The following PTPRD variants were observed in gnomAD, a reference collection of about 807,000 sequenced individuals.
PTPRD encodes receptor-type tyrosine-protein phosphatase delta.
In PTPRD, 34 loss-of-function variants were observed where a neutral mutation model predicts 214.5. The ratio of observed to expected loss-of-function variants is 0.16; its 90% CI spans 0.12 to 0.21. PTPRD has a LOEUF of 0.21. PTPRD is among the 10% of genes least tolerant of loss of function. PTPRD has a pLI of 1.00. For synonymous variants in PTPRD, 1,128 were observed against 845.7 expected (o/e 1.33, Z -5.79); for missense variants, 2,545 against 2,398.7 (o/e 1.06, Z -1.27).
chr9:9,239,213 C>A (rs914791510), intron 9 of PTPRD, among the ~76,000 whole-genome samples: 2 of 149,244 alleles, frequency 1.3e-5, no homozygotes, highest in African/African-American at 2.5e-5. Flanking sequence ...AAAAAAAAAC[C>A]ACAAGTATTC....
At chr9:10,462,371 A>C (rs1026492102) in intron 2 of PTPRD, among the ~76,000 whole-genome samples, 1 of 149,208 alleles carries the variant, frequency 6.7e-6, no homozygotes, top group African/African-American at 2.5e-5. Context: ...GTGACTTTTA[A>C]GAAAGGTAAT....
chr9:10,456,147 AT>A (rs949018101), intron 2 of PTPRD, among the ~76,000 whole-genome samples: 6 of 151,896 alleles, frequency 4.0e-5, no homozygotes, highest in Non-Finnish European at 7.4e-5. Context: ...TGTTCCATTC[AT>A]AAAACCCGAT....
At chr9:8,535,022 C>G (rs1013025071) in intron 14 of PTPRD, among the ~76,000 whole-genome samples, 15 of 151,844 alleles carry the variant, frequency 9.9e-5, no homozygotes, top group African/African-American at 2.4e-4. Flanking sequence ...TCTAGATAAT[C>G]TCTATATTGT....
intron 14 of PTPRD, among the ~76,000 whole-genome samples, chr9:8,554,731 G>A (rs954689262): frequency 3.3e-5 from 5 of 152,126 alleles, no homozygotes; most frequent in African/African-American, 4.8e-5. Flanking sequence ...TGTCCAACAC[G>A]TTTGTTTATT....
At chr9:10,464,780 C>T (rs7873458) in intron 2 of PTPRD, among the ~76,000 whole-genome samples, 4,841 of 151,972 alleles carry the variant, frequency 0.032, 286 homozygotes, top group African/African-American at 0.11. Flanking sequence ...AATGTAACAA[C>T]GGTAATGTCA....
chr9:9,287,560 C>T (rs906600430), intron 9 of PTPRD, among the ~76,000 whole-genome samples: 1 of 151,728 alleles, frequency 6.6e-6, no homozygotes, highest in African/African-American at 2.4e-5. Flanking sequence ...TAAATCATGG[C>T]CTTGAGAGTT....
intron 9 of PTPRD, among the ~76,000 whole-genome samples, chr9:9,235,284 T>G (rs905866566): frequency 6.6e-6 from 1 of 152,128 alleles, no homozygotes; most frequent in Non-Finnish European, 1.5e-5. Flanking sequence ...GTCCCTCCCA[T>G]GACAAATGTG....
chr9:8,404,413 G>C (rs1015511292), intron 36 of PTPRD, 124 bp downstream of exon 36: 8 of 1,304,682 alleles, frequency 6.1e-6, no homozygotes, highest in African/African-American at 3.0e-5. Flanking sequence ...ACAGGCGTGA[G>C]CCACCATGCA....
intron 3 of PTPRD, among the ~76,000 whole-genome samples, chr9:10,081,654 G>A (rs975810343): frequency 6.6e-6 from 1 of 152,018 alleles, no homozygotes; most frequent in Non-Finnish European, 1.5e-5. Flanking sequence ...TGTTGTTTAT[G>A]AACCACCCAG....
intron 8 of PTPRD, among the ~76,000 whole-genome samples, chr9:9,535,359 G>A (rs532752293): frequency 1.5e-4 from 23 of 152,186 alleles, no homozygotes; most frequent in African/African-American, 5.3e-4. Flanking sequence ...TTGATCAAGT[G>A]CTCTGAAAAG....
At chr9:9,170,013 T>C (rs2099911499) in intron 10 of PTPRD, among the ~76,000 whole-genome samples, 3 of 152,164 alleles carry the variant, frequency 2.0e-5, no homozygotes, top group Non-Finnish European at 4.4e-5. Context: ...TCTTTGGTGT[T>C]TTTTCATTTG....
At chr9:8,618,886 G>A (rs796933106) in intron 14 of PTPRD, among the ~76,000 whole-genome samples, 50 of 142,120 alleles carry the variant, frequency 3.5e-4, no homozygotes, top group Middle Eastern at 3.5e-3. Flanking sequence ...GTGTGTGTGT[G>A]TGTGTGTGTG....
chr9:8,813,769 G>A (rs1006289784), intron 11 of PTPRD, among the ~76,000 whole-genome samples: 23 of 152,216 alleles, frequency 1.5e-4, no homozygotes, highest in African/African-American at 5.1e-4. Flanking sequence ...GCTTTGCTGA[G>A]TTCCTGAGCT....
At chr9:9,063,755 G>C (rs1261686189) in intron 10 of PTPRD, among the ~76,000 whole-genome samples, 1 of 152,154 alleles carries the variant, frequency 6.6e-6, no homozygotes, top group Non-Finnish European at 1.5e-5. Flanking sequence ...GTATGCGGAA[G>C]ACTGTTTTCC....
At chr9:9,150,523 T>C (rs1040910565) in intron 10 of PTPRD, among the ~76,000 whole-genome samples, 3 of 150,314 alleles carry the variant, frequency 2.0e-5, no homozygotes, top group African/African-American at 7.3e-5. Flanking sequence ...GGAGTCTTGC[T>C]ATGTCACCCA....
intron 7 of PTPRD, among the ~76,000 whole-genome samples, chr9:9,630,120 G>A (rs772368320): frequency 6.6e-6 from 1 of 152,186 alleles, no homozygotes; most frequent in South Asian, 2.1e-4. Flanking sequence ...TGCATTAGGG[G>A]AGATGTGCCA....
intron 2 of PTPRD, among the ~76,000 whole-genome samples, chr9:10,530,318 G>C (rs758884015): frequency 1.3e-5 from 2 of 151,940 alleles, no homozygotes; most frequent in Admixed American, 1.3e-4. Flanking sequence ...TACCAAATTA[G>C]ACTTTTTAGA....
intron 11 of PTPRD, among the ~76,000 whole-genome samples, chr9:8,795,551 C>T (rs760277370): frequency 7.9e-5 from 12 of 152,170 alleles, no homozygotes; most frequent in Admixed American, 1.3e-4. Context: ...GATACCACCA[C>T]CAATACCACA....
intron 2 of PTPRD, among the ~76,000 whole-genome samples, chr9:10,599,214 A>T (rs549393822): frequency 6.6e-6 from 1 of 151,814 alleles, no homozygotes; most frequent in African/African-American, 2.4e-5. Flanking sequence ...TGTATCTACG[A>T]ATGACCATGA....
Sources: allele counts gnomAD v4.1 joint callset (sites outside exome capture counted in the v4.1 genomes callset), GRCh38; gene constraint gnomAD v4.1.1; transcripts MANE v1.5; gene names NCBI Gene and HGNC (gene_info 2026-07-23, HGNC 2026-07-21).